The following APPL1 variants were observed in gnomAD, a reference collection of about 807,000 sequenced individuals.
The protein encoded by APPL1 is adaptor protein, phosphotyrosine interacting with PH domain and leucine zipper 1.
In APPL1, 42 loss-of-function variants were observed where a neutral mutation model predicts 106.8. The observed-to-expected ratio is 0.39, with a 90% confidence interval of 0.31 to 0.51. The LOEUF is 0.51. Ranked by LOEUF, APPL1 falls within the 20% of genes least tolerant of loss-of-function variation. The probability of loss-of-function intolerance (pLI) is 0.75; values close to 1 mark genes in which losing one functional copy is unlikely to be tolerated. For missense variants in APPL1, 769 were observed against 858.2 expected (o/e 0.90, Z 1.30); for synonymous variants, 263 against 281.8 (o/e 0.93, Z 0.67).
rs554390494 is a variant in APPL1 at position 57,245,762 on chromosome 3, C to G, written c.475-314C>G. On this transcript the variant is annotated intron_variant, in intron 7 of 21. Transcript: ENST00000288266. Reference sequence around the variant, plus strand: ...GTTTCACCATGTTGGCCAGGCTGTTCTTAAACTCCTGACCTCAAGTGATCG... The same window carrying G: ...GTTTCACCATGTTGGCCAGGCTGTTGTTAAACTCCTGACCTCAAGTGATCG... 1.6e-4 allele frequency among the ~76,000 whole-genome samples: 25 copies of G among 152,066 alleles called. No homozygotes were observed. The East Asian group carries it at 4.7e-3, about 28-fold the overall frequency.
Position 57,267,760 on chromosome 3 carries a change from C to A in APPL1, c.1861C>A (p.Leu621Met). ...TTTTTAGATATGTGATTCTGTTGGA[C>A]TGGCAAAACAGATAGCTTTGCATGC... ...EGEKICDSVG[L>M]AKQIALHAEL... The change falls in exon 20 of 22, where the codon CTG (leucine) becomes ATG (methionine). Residue 621 changes from leucine to methionine, a missense_variant. Physicochemically the swap from Leu to Met is conservative, Grantham distance 15. Transcript: ENST00000288266. 6.2e-7 allele frequency: 1 copy of A among 1,613,872 alleles called. No individual in the cohort carries two copies. Among genetic ancestry groups the A allele is most frequent in the South Asian group, 1.1e-5 (1 of 91,076 alleles).
chr3:57,260,524 A>G (rs2060859529), intron 18 of APPL1, 104 bp from the exon 19 acceptor site: 1 of 1,081,656 alleles, frequency 9.2e-7, no homozygotes. Flanking sequence ...GCTTTAATAT[A>G]TTAAAATATT....
At chr3:57,249,971 G>T (rs200627132) in intron 11 of APPL1, among the ~76,000 whole-genome samples, 3 of 40,830 alleles carry the variant, frequency 7.3e-5, no homozygotes, top group African/African-American at 1.8e-4. Flanking sequence ...AAATGTGAAT[G>T]GGGGGGGGTT....
At chr3:57,242,705 G>C (rs2060753272) in intron 6 of APPL1, 151 bp from the exon 7 acceptor site, 1 of 602,734 alleles carries the variant, frequency 1.7e-6, no homozygotes, top group Non-Finnish European at 2.9e-6. Context: ...GGGGAAATTT[G>C]GCTGTGGGGA....
At chr3:57,257,163 G>A in intron 14 of APPL1, 83 bp from the exon 15 acceptor site, 2 of 1,553,608 alleles carry the variant, frequency 1.3e-6, no homozygotes, top group Non-Finnish European at 1.8e-6. Context: ...TTATAATATT[G>A]TGTTTTCTTT....
intron 18 of APPL1, 142 bp from the exon 19 acceptor site, chr3:57,260,486 C>T (rs1367012593): frequency 5.6e-6 from 4 of 716,852 alleles, no homozygotes; most frequent in Non-Finnish European, 8.1e-6. Flanking sequence ...TTACTTGTTT[C>T]TGCATTACAA....
intron 19 of APPL1, among the ~76,000 whole-genome samples, chr3:57,261,647 T>G (rs4356791): frequency 6.6e-6 from 1 of 151,724 alleles, no homozygotes; most frequent in Non-Finnish European, 1.5e-5. Context: ...GCCTCCCGAG[T>G]AGCTGGGATT....
intron 15 of APPL1, among the ~76,000 whole-genome samples, chr3:57,257,901 A>G (rs2060845884): frequency 6.6e-6 from 1 of 152,194 alleles, no homozygotes; most frequent in African/African-American, 2.4e-5. Flanking sequence ...TCACCAAAGC[A>G]GTTAAAATTT....
rs115925827 is a variant in APPL1, at chr3:57,245,718, T to C, written c.475-358T>C. On this transcript the variant is annotated intron_variant, in intron 7 of 21. Transcript: ENST00000288266. Reference sequence around the variant, plus strand: ...CCACTGCACCTGGCTAATTTTTTTTTCCATTTTTAATAGAGTCGGTTTCAC... The same window carrying C: ...CCACTGCACCTGGCTAATTTTTTTTCCCATTTTTAATAGAGTCGGTTTCAC... Among the ~76,000 whole-genome samples the C allele has an allele frequency of 6.1e-3, 931 of 152,058 alleles. 9 individuals carry two copies. Among genetic ancestry groups the C allele is most frequent in the African/African-American group, 0.022 (904 of 41,472 alleles).
chr3:57,250,735 A>G (rs2060798955), intron 11 of APPL1, among the ~76,000 whole-genome samples: 1 of 151,234 alleles, frequency 6.6e-6, no homozygotes, highest in South Asian at 2.1e-4. Flanking sequence ...CTAATGATAG[A>G]TGTTTAGACT....
intron 10 of APPL1, 116 bp downstream of exon 10, chr3:57,248,467 T>G (rs1275456124): frequency 8.6e-7 from 1 of 1,162,190 alleles, no homozygotes; most frequent in African/African-American, 1.6e-5. Context: ...TTGAAACTTT[T>G]TAGAGGTGTT....
chr3:57,263,281 ACT>A (rs1324778919), intron 19 of APPL1, among the ~76,000 whole-genome samples: 2 of 151,334 alleles, frequency 1.3e-5, no homozygotes, highest in African/African-American at 2.4e-5. Context: ...ATCCAATTAT[ACT>A]CTTTTAGTTA....
chr3:57,264,778 T>G (rs2060885770), intron 19 of APPL1, among the ~76,000 whole-genome samples: 1 of 151,404 alleles, frequency 6.6e-6, no homozygotes, highest in African/African-American at 2.4e-5. Flanking sequence ...GGATTCTCTA[T>G]TCTGTTGCAC....
Position 57,227,755 on chromosome 3 carries a change from G to A in APPL1, c.-129G>A. The A allele has an allele frequency of 1.4e-6, 1 of 735,842 alleles. No individual in the cohort carries two copies. The highest frequency in any genetic ancestry group is 1.9e-6 in the Non-Finnish European group (1 of 528,050). 45.6% of individuals were successfully genotyped at this position (735,842 alleles called of 1,614,324 possible). On this transcript the variant is annotated 5_prime_UTR_variant, in exon 1 of 22. Coordinates refer to ENST00000288266, the MANE Select transcript of APPL1 (RefSeq NM_012096.3). ...CACGGCCGCTCGGCGCCTGGAGAAG[G>A]CTGTGCGGGCGGGGACGGCTGCAGC...
chr3:57,254,680 A>T (rs1487926176), intron 13 of APPL1, among the ~76,000 whole-genome samples: 41 of 152,262 alleles, frequency 2.7e-4, no homozygotes, highest in African/African-American at 8.9e-4. Context: ...ACTGGAGTGC[A>T]GTGGTGCTAT....
intron 6 of APPL1, among the ~76,000 whole-genome samples, 158 bp from the exon 7 acceptor site, chr3:57,242,698 G>A (rs2060753068): frequency 6.6e-6 from 1 of 152,218 alleles, no homozygotes. Flanking sequence ...TAATTTAGGG[G>A]AAATTTGGCT....
At chr3:57,243,505 A>T (rs2060757281) in intron 7 of APPL1, among the ~76,000 whole-genome samples, 1 of 152,058 alleles carries the variant, frequency 6.6e-6, no homozygotes, top group Non-Finnish European at 1.5e-5. Context: ...CTTGTGACTG[A>T]GGTGATCTCT....
At chr3:57,268,882 G>C (rs1332195288) in intron 21 of APPL1, 1 of 152,414 alleles carries the variant, frequency 6.6e-6, no homozygotes, top group African/African-American at 2.4e-5. Context: ...ATTGCCAGGA[G>C]TGTCAAATCA....
In APPL1 at chr3:57,228,174, C is replaced by T. The variant is rs2060663668; in HGVS notation, c.54+237C>T. On this transcript the variant is annotated intron_variant, in intron 1 of 21. Transcript: ENST00000288266. The surrounding 1 kb of genome is among the most constrained non-coding windows in gnomAD (Gnocchi z 4.6). ...GCAGGCGGAGACCGAGCCGCTGGTGCTCGTGGGCCGGGCGGTCACGTACGC... is the reference window on the plus strand; with the variant it reads ...GCAGGCGGAGACCGAGCCGCTGGTGTTCGTGGGCCGGGCGGTCACGTACGC... Among the ~76,000 whole-genome samples the T allele has an allele frequency of 6.6e-6, 1 of 152,070 alleles. No homozygotes were observed. Among genetic ancestry groups the T allele is most frequent in the Non-Finnish European group, 1.5e-5 (1 of 67,964 alleles).
Sources: allele counts gnomAD v4.1 joint callset (sites outside exome capture counted in the v4.1 genomes callset), GRCh38; gene constraint gnomAD v4.1.1; non-coding constraint Gnocchi (gnomAD v3.1); transcripts MANE v1.5; gene names NCBI Gene and HGNC (gene_info 2026-07-23, HGNC 2026-07-21).